The following CNTNAP5 variants were observed in gnomAD, a reference collection of about 807,000 sequenced individuals.
The protein encoded by CNTNAP5 is contactin associated protein family member 5.
A neutral mutation model predicts 150.2 loss-of-function variants in CNTNAP5; 72 were observed. The observed-to-expected ratio is 0.48, with a 90% CI of 0.40 to 0.58. The LOEUF is 0.58. CNTNAP5 is among the 20% of genes least tolerant of loss of function. The probability of loss-of-function intolerance (pLI) is 0.00; values close to 1 mark genes in which losing one functional copy is unlikely to be tolerated. For synonymous variants in CNTNAP5, 672 were observed against 619.8 expected (o/e 1.08, Z -1.25); for missense variants, 1,636 against 1,626.2 (o/e 1.01, Z -0.10).
chr2:124,383,485 A>T (rs1256825353), intron 3 of CNTNAP5, among the ~76,000 whole-genome samples: 3 of 152,170 alleles, frequency 2.0e-5, no homozygotes, highest in African/African-American at 7.2e-5. Flanking sequence ...CAAACTACTT[A>T]CATCATTGTG....
At chr2:124,195,651 A>C (rs1685564637) in intron 1 of CNTNAP5, among the ~76,000 whole-genome samples, 1 of 152,214 alleles carries the variant, frequency 6.6e-6, no homozygotes, top group Non-Finnish European at 1.5e-5. Context: ...AAAAGCTAGC[A>C]AGATTAAACA....
chr2:124,760,528 A>G (rs1005908269), intron 14 of CNTNAP5, among the ~76,000 whole-genome samples: 1 of 152,102 alleles, frequency 6.6e-6, no homozygotes, highest in Non-Finnish European at 1.5e-5. Context: ...CTTAGAGAAG[A>G]CCACATTGAC....
Position 124,527,312 on chromosome 2 carries a change from A to G in CNTNAP5, c.1505A>G (p.Gln502Arg). ...TGCCCCGACAATCTCACCGATTCCCAATGTTTAAATCCCATTAAGGCTTTC... is the reference window on the plus strand; with the variant it reads ...TGCCCCGACAATCTCACCGATTCCCGATGTTTAAATCCCATTAAGGCTTTC... ...GGCPDNLTDSQCLNPIKAFQG... is the reference protein window; with the variant it reads ...GGCPDNLTDSRCLNPIKAFQG... The change falls in exon 10 of 24, where the codon CAA becomes CGA. Residue 502 changes from glutamine to arginine, a missense_variant. Gln to Arg is a conservative substitution (Grantham distance 43). Transcript: ENST00000682447. 1.2e-6 allele frequency: 2 copies of G among 1,613,566 alleles called. No homozygotes were observed. The highest frequency in any genetic ancestry group is 1.1e-5 in the South Asian group (1 of 91,050).
At chr2:124,706,387 G>A (rs1261244413) in intron 13 of CNTNAP5, among the ~76,000 whole-genome samples, 1 of 152,086 alleles carries the variant, frequency 6.6e-6, no homozygotes, top group Non-Finnish European at 1.5e-5. Flanking sequence ...CTGATAATAT[G>A]TGTATTTTCT....
chr2:124,354,291 G>C (rs939702823), intron 3 of CNTNAP5, among the ~76,000 whole-genome samples: 2 of 152,150 alleles, frequency 1.3e-5, no homozygotes, highest in South Asian at 2.1e-4. Context: ...TGAGAATCTA[G>C]TTCAGAGCAC....
In CNTNAP5 at chr2:124,510,301, C is replaced by CTATATATATATATATATATCTATA. The variant is rs368230554; in HGVS notation, c.1327+5756_1327+5757insATATATATCTATATATATATATAT. Among the ~76,000 whole-genome samples, 25 of 106,056 alleles carry CTATATATATATATATATATCTATA rather than the reference C, an allele frequency of 2.4e-4. 1 individual carries two copies. The highest frequency in any genetic ancestry group is 8.4e-4 in the African/African-American group (22 of 26,232). The allele number at this position is 106,056 out of a possible 152,430, so 69.6% of individuals were successfully genotyped here. A position where few individuals can be genotyped will look rare whatever the true frequency, so the allele number is the denominator to read the frequency against. Reference sequence around the variant, plus strand: ...TATCTATATCTATATATCTATATATCTATATATATATCTATATATCTATCT... The same window carrying CTATATATATATATATATATCTATA: ...TATCTATATCTATATATCTATATATCTATATATATATATATATATCTATATATATATATATCTATATATCTATCT... On this transcript the variant is annotated intron_variant, in intron 8 of 23. Coordinates refer to ENST00000682447, the MANE Select transcript of CNTNAP5 (RefSeq NM_001367498.1).
chr2:124,905,763 TG>T (rs1678522672), intron 22 of CNTNAP5, among the ~76,000 whole-genome samples: 1 of 151,982 alleles, frequency 6.6e-6, no homozygotes, highest in Admixed American at 6.6e-5. Flanking sequence ...GCAGCTTCCA[TG>T]GGAAGGAATG....
intron 3 of CNTNAP5, among the ~76,000 whole-genome samples, chr2:124,369,138 C>T (rs1269274943): frequency 6.6e-6 from 1 of 152,090 alleles, no homozygotes; most frequent in Non-Finnish European, 1.5e-5. Context: ...GTAGTGTTAC[C>T]AGAGATGATT....
At chr2:124,709,592 G>T (rs1281476075) in intron 13 of CNTNAP5, among the ~76,000 whole-genome samples, 2 of 152,096 alleles carry the variant, frequency 1.3e-5, no homozygotes, top group Non-Finnish European at 2.9e-5. Context: ...ACAGCAATCT[G>T]CTCAGAGACA....
chr2:124,443,813 CGTGTGTGTGTGTGTGT>C (rs3034804), intron 5 of CNTNAP5, among the ~76,000 whole-genome samples: 3 of 143,734 alleles, frequency 2.1e-5, no homozygotes, highest in Non-Finnish European at 3.0e-5. Context: ...AATTCCTTGC[CGTGTGTGTGTGTGTGT>C]GTGTGTGTGT....
chr2:124,229,189 G>A (rs1278755819), intron 2 of CNTNAP5, among the ~76,000 whole-genome samples: 1 of 152,120 alleles, frequency 6.6e-6, no homozygotes, highest in African/African-American at 2.4e-5. Context: ...AAGGAAAAAT[G>A]TGCTGGGCAA....
chr2:124,723,218 G>C (rs1049322114), intron 13 of CNTNAP5, among the ~76,000 whole-genome samples: 1 of 152,166 alleles, frequency 6.6e-6, no homozygotes, highest in Non-Finnish European at 1.5e-5. Flanking sequence ...TTGACAGTTT[G>C]TGTAGAATTT....
intron 11 of CNTNAP5, among the ~76,000 whole-genome samples, chr2:124,591,084 A>C (rs116551510): frequency 0.017 from 2,564 of 152,274 alleles, 67 homozygotes; most frequent in African/African-American, 0.059. Context: ...AAGAGACTTA[A>C]TATGTCTATC....
chr2:124,599,624 A>G (rs1196129713), intron 11 of CNTNAP5, among the ~76,000 whole-genome samples: 1 of 152,220 alleles, frequency 6.6e-6, no homozygotes, highest in Non-Finnish European at 1.5e-5. Context: ...TGTTCTTTGG[A>G]GAAATAGAAG....
intron 3 of CNTNAP5, among the ~76,000 whole-genome samples, chr2:124,386,583 A>G (rs111415599): frequency 6.6e-6 from 1 of 152,246 alleles, no homozygotes; most frequent in Non-Finnish European, 1.5e-5. Flanking sequence ...TTACAGCTGT[A>G]CAAAAGAAGT....
At chr2:124,817,765 T>G (rs191004789) in intron 19 of CNTNAP5, among the ~76,000 whole-genome samples, 2 of 152,248 alleles carry the variant, frequency 1.3e-5, no homozygotes, top group Admixed American at 1.3e-4. Flanking sequence ...TCAAAACATA[T>G]CTATACTCTA....
At chr2:124,683,436 A>G (rs768182797) in intron 13 of CNTNAP5, among the ~76,000 whole-genome samples, 32 of 151,996 alleles carry the variant, frequency 2.1e-4, no homozygotes, top group Non-Finnish European at 5.9e-5. Flanking sequence ...ATTTGGTTTC[A>G]TGGATAAGTT....
At chr2:124,860,125 G>A (rs1426285280) in intron 19 of CNTNAP5, among the ~76,000 whole-genome samples, 1 of 152,026 alleles carries the variant, frequency 6.6e-6, no homozygotes, top group Non-Finnish European at 1.5e-5. Flanking sequence ...GCCAAAGTGG[G>A]TGGATCATGA....
intron 6 of CNTNAP5, 29 bp from the exon 7 acceptor site, chr2:124,474,710 A>T: frequency 1.3e-6 from 2 of 1,517,140 alleles, no homozygotes; most frequent in Non-Finnish European, 1.8e-6. Flanking sequence ...CTTAAAACTA[A>T]GAGTTTGTTT....
Sources: allele counts gnomAD v4.1 joint callset (sites outside exome capture counted in the v4.1 genomes callset), GRCh38; gene constraint gnomAD v4.1.1; transcripts MANE v1.5; gene names NCBI Gene and HGNC (gene_info 2026-07-23, HGNC 2026-07-21).